Variants in ALPK1 observed in about 807,000 individuals in gnomAD.
ALPK1 encodes alpha-protein kinase 1.
A neutral mutation model predicts 120.6 loss-of-function variants in ALPK1; 110 were observed. The observed-to-expected ratio is 0.91, with a 90% CI of 0.78 to 1.07. The LOEUF (loss-of-function observed/expected upper bound fraction) is 1.07, where lower values mean the gene tolerates loss of function less well. Ranked by LOEUF, ALPK1 falls within the 50% of genes least tolerant of loss-of-function variation. The pLI, the probability that ALPK1 is intolerant of heterozygous loss-of-function variation, is 0.00. For synonymous variants in ALPK1, 582 were observed against 560.3 expected (o/e 1.04, Z -0.55); for missense variants, 1,498 against 1,483.9 (o/e 1.01, Z -0.16).
At chr4:112,378,984 G>A (rs910112500) in intron 3 of ALPK1, among the ~76,000 whole-genome samples, 1 of 152,212 alleles carries the variant, frequency 6.6e-6, no homozygotes, top group Admixed American at 6.5e-5. Context: ...GTCAGCCTGA[G>A]ATCACTCTCA....
chr4:112,359,416 T>TAA (rs1730807247), intron 2 of ALPK1: 1 of 301,522 alleles, frequency 3.3e-6, no homozygotes, highest in Non-Finnish European at 6.4e-6. Flanking sequence ...CCTGAGAACA[T>TAA]CCCCCTGCTG....
chr4:112,430,578 C>G lies in ALPK1; in HGVS notation c.1031C>G (p.Pro344Arg). The G allele has an allele frequency of 1.2e-6, 2 of 1,614,164 alleles. No individual in the cohort carries two copies. The highest frequency in any genetic ancestry group is 1.1e-5 in the South Asian group (1 of 91,080). The change falls in exon 11 of 16, where the codon CCT becomes CGT. Residue 344 changes from proline (P) to arginine (R), a missense_variant. Transcript: ENST00000650871. ...IGLLTKRDDEPVTGKQELHSF... is the reference protein window; with the variant it reads ...IGLLTKRDDERVTGKQELHSF... ...CTCCTCACCAAGAGAGATGATGAGC[C>G]TGTTACTGGAAAACAGGAGCTTCAC...
intron 4 of ALPK1, among the ~76,000 whole-genome samples, chr4:112,400,894 C>A (rs1431029804): frequency 6.6e-6 from 1 of 152,110 alleles, no homozygotes; most frequent in East Asian, 1.9e-4. Flanking sequence ...AGGTCTGAGC[C>A]AGGTATGTCA....
intron 2 of ALPK1, among the ~76,000 whole-genome samples, chr4:112,329,641 C>T (rs1729273285): frequency 6.6e-6 from 1 of 152,100 alleles, no homozygotes; most frequent in Admixed American, 6.5e-5. Flanking sequence ...TAAAGGCACC[C>T]ATTAGTAGAA....
At chr4:112,423,467 C>T (rs1382371586) in intron 5 of ALPK1, among the ~76,000 whole-genome samples, 2 of 152,116 alleles carry the variant, frequency 1.3e-5, no homozygotes, top group Non-Finnish European at 2.9e-5. Context: ...AACAGGTGTC[C>T]ATAGAATAGG....
At chr4:112,417,003 A>G (rs998799026) in intron 5 of ALPK1, among the ~76,000 whole-genome samples, 2 of 152,200 alleles carry the variant, frequency 1.3e-5, no homozygotes, top group African/African-American at 4.8e-5. Context: ...TAGGAAGTAT[A>G]TTTAGACTAA....
intron 5 of ALPK1, among the ~76,000 whole-genome samples, chr4:112,416,485 C>T (rs1733751751): frequency 6.6e-6 from 1 of 152,054 alleles, no homozygotes. Context: ...TTTAAAAAAA[C>T]ACAGAAGCAT....
intron 3 of ALPK1, among the ~76,000 whole-genome samples, chr4:112,380,685 C>T (rs1259114864): frequency 6.6e-6 from 1 of 151,848 alleles, no homozygotes. Context: ...CTAGATGAAC[C>T]ATGTCTTTTT....
Position 112,431,519 on chromosome 4 carries a change from T to C in ALPK1, c.1972T>C (p.Leu658=), listed in dbSNP as rs1233338810. 2.5e-6 allele frequency: 4 copies of C among 1,614,062 alleles called. No homozygotes were observed. Among genetic ancestry groups the C allele is most frequent in the Non-Finnish European group, 3.4e-6 (4 of 1,180,048 alleles). ...TCTTCAGGAACCCAACAATGACAATTTGGAGCCTTCTCAAAATCAGCCACA... is the reference window on the plus strand; with the variant it reads ...TCTTCAGGAACCCAACAATGACAATCTGGAGCCTTCTCAAAATCAGCCACA... ...LSLQEPNNDN[L]EPSQNQPQQQ... is the part of the protein sequence containing the mutation. The change falls in exon 11 of 16, where the codon TTG becomes CTG. Residue 658 remains leucine, a synonymous_variant. Coordinates refer to ENST00000650871, the MANE Select transcript of ALPK1 (RefSeq NM_025144.4).
At chr4:112,315,516 G>A (rs921246085) in intron 1 of ALPK1, among the ~76,000 whole-genome samples, 2 of 152,158 alleles carry the variant, frequency 1.3e-5, no homozygotes, top group African/African-American at 2.4e-5. Context: ...TTAAGGGAGG[G>A]AGGAAACCAA....
At chr4:112,335,750 T>A (rs1047284566) in intron 2 of ALPK1, among the ~76,000 whole-genome samples, 1 of 152,188 alleles carries the variant, frequency 6.6e-6, no homozygotes, top group Non-Finnish European at 1.5e-5. Context: ...CCTAGTTAAA[T>A]CTAGGCAGAT....
At chr4:112,334,837 G>T (rs1394202765) in intron 2 of ALPK1, among the ~76,000 whole-genome samples, 3 of 152,176 alleles carry the variant, frequency 2.0e-5, no homozygotes, top group Admixed American at 6.5e-5. Context: ...GGGCTACTTT[G>T]TTTTGTATGA....
At chr4:112,399,714 C>A (rs568366820) in intron 4 of ALPK1, among the ~76,000 whole-genome samples, 6 of 152,258 alleles carry the variant, frequency 3.9e-5, no homozygotes, top group African/African-American at 1.2e-4. Flanking sequence ...GCCCCACATG[C>A]ATCAGGTATT....
At chr4:112,382,334 C>A in intron 3 of ALPK1, 64 bp from the exon 4 acceptor site, 91 of 861,024 alleles carry the variant, frequency 1.1e-4, no homozygotes, top group Middle Eastern at 4.3e-4. Context: ...TTCATCATAA[C>A]ATTGGTAGCT....
chr4:112,404,492 C>T (rs1415655745), intron 4 of ALPK1, among the ~76,000 whole-genome samples: 2 of 152,176 alleles, frequency 1.3e-5, no homozygotes, highest in African/African-American at 4.8e-5. Flanking sequence ...CTTGCCGTGG[C>T]AAATAAGTGC....
At chr4:112,311,504 G>C (rs1728399146) in intron 1 of ALPK1, among the ~76,000 whole-genome samples, 1 of 152,084 alleles carries the variant, frequency 6.6e-6, no homozygotes, top group African/African-American at 2.4e-5. Flanking sequence ...TCTACCTCAG[G>C]CTGCGCACTT....
Position 112,430,914 on chromosome 4 carries a change from T to A in ALPK1, c.1367T>A (p.Leu456His). The change falls in exon 11 of 16, where the codon CTT becomes CAT. Residue 456 changes from leucine to histidine, a missense_variant. Coordinates refer to ENST00000650871, the MANE Select transcript of ALPK1 (RefSeq NM_025144.4). Reference protein sequence around the residue: ...LHGQGDFQKILDTYSQHHTSV... With the variant: ...LHGQGDFQKIHDTYSQHHTSV... ...GGGCAAGGGGATTTCCAAAAAATCC[T>A]TGACACCTATTCACAGCACCATACT... 6.2e-7 allele frequency: 1 copy of A among 1,614,198 alleles called. No homozygotes were observed. The highest frequency in any genetic ancestry group is 8.5e-7 in the Non-Finnish European group (1 of 1,179,994).
intron 5 of ALPK1, among the ~76,000 whole-genome samples, chr4:112,421,363 T>C (rs1350675667): frequency 2.0e-5 from 3 of 152,326 alleles, no homozygotes; most frequent in East Asian, 1.9e-4. Flanking sequence ...ACAGCACCCT[T>C]AAGATTCTTA....
intron 2 of ALPK1, among the ~76,000 whole-genome samples, chr4:112,331,650 G>A (rs1185736411): frequency 6.6e-6 from 1 of 152,204 alleles, no homozygotes; most frequent in African/African-American, 2.4e-5. Context: ...CAGTAAATCA[G>A]CCTTGGACAT....
Sources: allele counts gnomAD v4.1 joint callset (sites outside exome capture counted in the v4.1 genomes callset), GRCh38; gene constraint gnomAD v4.1.1; transcripts MANE v1.5; gene names NCBI Gene and HGNC (gene_info 2026-07-23, HGNC 2026-07-21).